Variants in MSRA observed in about 807,000 individuals in gnomAD.
MSRA encodes the protein mitochondrial peptide methionine sulfoxide reductase.
Under a neutral mutation model 31.3 loss-of-function variants are expected in MSRA, and 54 were observed. The observed-to-expected ratio is 1.73, with a 90% CI of 1.39 to 2.17. The LOEUF (loss-of-function observed/expected upper bound fraction) is 2.17, where lower values mean the gene tolerates loss of function less well. Among genes scored for constraint, MSRA ranks in the 30% most tolerant of loss-of-function variants. The pLI is 0.00. For synonymous variants in MSRA, 169 were observed against 116.5 expected (o/e 1.45, Z -2.90); for missense variants, 507 against 300.9 (o/e 1.69, Z -5.07).
intron 1 of MSRA, among the ~76,000 whole-genome samples, chr8:10,121,280 T>C (rs2129017977): frequency 6.6e-6 from 1 of 152,222 alleles, no homozygotes; most frequent in African/African-American, 2.4e-5. Context: ...AATAGATAAC[T>C]TGGCAGGGGA....
At chr8:10,248,631 G>A (rs1797756249) in intron 3 of MSRA, among the ~76,000 whole-genome samples, 1 of 152,326 alleles carries the variant, frequency 6.6e-6, no homozygotes, top group South Asian at 2.1e-4. Context: ...ATTCATATCC[G>A]AATGGTATTT....
At chr8:10,259,910 C>T (rs1391204024) in intron 3 of MSRA, among the ~76,000 whole-genome samples, 3 of 152,240 alleles carry the variant, frequency 2.0e-5, no homozygotes, top group South Asian at 2.1e-4. Context: ...CCTCTGTAGG[C>T]TCTCCCTGGT....
At chr8:10,400,108 G>A (rs937166762) in intron 5 of MSRA, among the ~76,000 whole-genome samples, 1 of 151,948 alleles carries the variant, frequency 6.6e-6, no homozygotes, top group African/African-American at 2.4e-5. Context: ...ATAAACCATT[G>A]TCATAGAAAT....
At chr8:10,298,942 C>T (rs1026250716) in intron 3 of MSRA, among the ~76,000 whole-genome samples, 3 of 152,070 alleles carry the variant, frequency 2.0e-5, no homozygotes, top group African/African-American at 4.8e-5. Flanking sequence ...GGTAAATGAG[C>T]GTCTTTGTGG....
chr8:10,337,042 C>T (rs1803092385), intron 5 of MSRA: 1 of 152,242 alleles, frequency 6.6e-6, no homozygotes. Flanking sequence ...ACCAGCTAAT[C>T]CATGCCTTGT....
At chr8:10,210,348 C>G (rs925924287) in intron 2 of MSRA, among the ~76,000 whole-genome samples, 1 of 152,208 alleles carries the variant, frequency 6.6e-6, no homozygotes, top group Non-Finnish European at 1.5e-5. Flanking sequence ...TTCCCTGACT[C>G]TCTCTGCACT....
At chr8:10,236,403 T>G (rs1424849239) in intron 2 of MSRA, among the ~76,000 whole-genome samples, 5 of 152,198 alleles carry the variant, frequency 3.3e-5, no homozygotes, top group African/African-American at 1.2e-4. Context: ...CTCTACTCTT[T>G]CTGGCTGTAT....
In MSRA at chr8:10,372,488, T is replaced by C. The variant is rs149642089; in HGVS notation, c.543+52499T>C. Among the ~76,000 whole-genome samples, 193 of 152,376 alleles carry C rather than the reference T, an allele frequency of 1.3e-3. 1 individual carries two copies. Among genetic ancestry groups the C allele is most frequent in the African/African-American group, 4.3e-3 (180 of 41,586 alleles). ...ATGAGTAAATAGGGCATGTGCTGTT[T>C]TCCCGATTTCTAGATAAATAAATGA... is the stretch of plus-strand genomic sequence containing the variant. On this transcript the variant is annotated intron_variant, in intron 5 of 5. Coordinates refer to ENST00000317173, the MANE Select transcript of MSRA (RefSeq NM_012331.5).
chr8:10,393,811 T>C (rs1315967528), intron 5 of MSRA, among the ~76,000 whole-genome samples: 2 of 152,228 alleles, frequency 1.3e-5, no homozygotes, highest in Non-Finnish European at 2.9e-5. Context: ...GACAGTTTTG[T>C]GACTATCCCC....
At chr8:10,420,824 T>C (rs1449911561) in intron 5 of MSRA, among the ~76,000 whole-genome samples, 3 of 151,988 alleles carry the variant, frequency 2.0e-5, no homozygotes, top group Non-Finnish European at 4.4e-5. Flanking sequence ...TGAATGTACT[T>C]AACACAACTG....
At chr8:10,421,177 G>A (rs757211678) in intron 5 of MSRA, among the ~76,000 whole-genome samples, 5 of 152,142 alleles carry the variant, frequency 3.3e-5, no homozygotes, top group African/African-American at 1.2e-4. Flanking sequence ...CGGCATCCTT[G>A]TCTAGCCACC....
intron 1 of MSRA, among the ~76,000 whole-genome samples, chr8:10,162,903 G>T (rs771806655): frequency 4.1e-4 from 62 of 152,268 alleles, no homozygotes; most frequent in Non-Finnish European, 7.5e-4. Flanking sequence ...TGGGTTCACG[G>T]AATATCATGG....
intron 5 of MSRA, among the ~76,000 whole-genome samples, chr8:10,381,089 T>C (rs527860771): frequency 2.0e-5 from 3 of 152,146 alleles, no homozygotes; most frequent in Non-Finnish European, 4.4e-5. Flanking sequence ...ATATCCTATA[T>C]CTATTCCTAT....
intron 1 of MSRA, among the ~76,000 whole-genome samples, chr8:10,094,790 C>A (rs1221264680): frequency 6.6e-6 from 1 of 152,284 alleles, no homozygotes; most frequent in South Asian, 2.1e-4. Flanking sequence ...CTTATTTATG[C>A]TTATTATATT....
intron 4 of MSRA, among the ~76,000 whole-genome samples, chr8:10,305,888 C>A (rs1188023908): frequency 6.6e-6 from 1 of 152,204 alleles, no homozygotes; most frequent in Non-Finnish European, 1.5e-5. Flanking sequence ...GACATGCTAG[C>A]ATCATTACTC....
At chr8:10,220,415 A>G (rs1274640434) in intron 2 of MSRA, among the ~76,000 whole-genome samples, 2 of 152,212 alleles carry the variant, frequency 1.3e-5, no homozygotes, top group Non-Finnish European at 2.9e-5. Context: ...CCATGAAGAA[A>G]CTCAAAACAA....
chr8:10,097,594 TA>T (rs1208763413), intron 1 of MSRA, among the ~76,000 whole-genome samples: 1 of 152,184 alleles, frequency 6.6e-6, no homozygotes, highest in Non-Finnish European at 1.5e-5. Context: ...CTTAAACATT[TA>T]ACATAACTTC....
chr8:10,118,374 C>G (rs1032637731), intron 1 of MSRA, among the ~76,000 whole-genome samples: 2 of 152,142 alleles, frequency 1.3e-5, no homozygotes, highest in African/African-American at 2.4e-5. Context: ...ATGGCTCCAA[C>G]TATGTGCAAA....
chr8:10,333,268 A>T (rs965604130), intron 5 of MSRA, among the ~76,000 whole-genome samples: 3 of 152,190 alleles, frequency 2.0e-5, no homozygotes, highest in African/African-American at 4.8e-5. Context: ...CCCTTGTGGA[A>T]TGCAAGATGA....
Sources: allele counts gnomAD v4.1 joint callset (sites outside exome capture counted in the v4.1 genomes callset), GRCh38; gene constraint gnomAD v4.1.1; transcripts MANE v1.5; gene names NCBI Gene and HGNC (gene_info 2026-07-23, HGNC 2026-07-21).